Variants in SERPINB10 observed in about 807,000 individuals in gnomAD.
SERPINB10 encodes the protein serpin family B member 10, also known as serpin B10.
SERPINB10 carries 35 observed loss-of-function variants against 39.1 expected under a neutral mutation model. The ratio of observed to expected loss-of-function variants is 0.90; its 90% confidence interval spans 0.68 to 1.19. SERPINB10 has a LOEUF of 1.19. Ranked by LOEUF, SERPINB10 falls within the 50% of genes most tolerant of loss-of-function variation. The pLI is 0.00. For synonymous variants in SERPINB10, 190 were observed against 158.1 expected (o/e 1.20, Z -1.52); for missense variants, 546 against 460.5 (o/e 1.19, Z -1.70).
intron 5 of SERPINB10, among the ~76,000 whole-genome samples, chr18:63,920,711 G>A (rs2050140537): frequency 6.6e-6 from 1 of 151,914 alleles, no homozygotes; most frequent in African/African-American, 2.4e-5. Flanking sequence ...GTGCATTCTG[G>A]TTTGCCTGTG....
intron 5 of SERPINB10, among the ~76,000 whole-genome samples, chr18:63,924,348 G>A (rs1045532558): frequency 2.0e-5 from 3 of 151,908 alleles, no homozygotes; most frequent in Admixed American, 6.6e-5. Context: ...GTGACATACG[G>A]TGTCCTCACT....
chr18:63,935,154 A>T lies in SERPINB10; in HGVS notation c.1106A>T (p.Glu369Val). Residue 369 changes from glutamate (E) to valine (V), a missense_variant, in exon 8 of 8, where the codon GAA (glutamate) becomes GTA (valine). Coordinates refer to ENST00000238508, the MANE Select transcript of SERPINB10 (RefSeq NM_005024.3). ...IDIRIRVPSI[E>V]FNANHPFLFF... ...ATACGAATTAGAGTCCCATCCATTG[A>T]ATTCAATGCAAATCACCCATTCCTC... is the stretch of plus-strand genomic sequence containing the variant. 1 of 1,613,398 alleles carries T rather than the reference A, an allele frequency of 6.2e-7. No individual in the cohort carries two copies. Among genetic ancestry groups the T allele is most frequent in the Non-Finnish European group, 8.5e-7 (1 of 1,179,978 alleles).
chr18:63,917,493 A>C lies in SERPINB10; in HGVS notation c.206A>C (p.Asp69Ala), dbSNP rs754000208. ...AACAGAGACCAGGGAGTCAAATGTGACCCTGAAAGTGAAAAAAAAAGGAAA... is the reference window on the plus strand; with the variant it reads ...AACAGAGACCAGGGAGTCAAATGTGCCCCTGAAAGTGAAAAAAAAAGGAAA... ...QFNRDQGVKC[D>A]PESEKKRKME... The change falls in exon 3 of 8, where the codon GAC (aspartate) becomes GCC (alanine). Residue 69 changes from aspartate to alanine, a missense_variant. By Grantham distance (126) the Asp-to-Ala change is moderately radical. Transcript: ENST00000238508. 2 of 1,580,486 alleles carry C rather than the reference A, an allele frequency of 1.3e-6. No homozygotes were observed. The highest frequency in any genetic ancestry group is 1.4e-5 in the African/African-American group (1 of 73,052).
Position 63,918,890 on chromosome 18 carries a change from G to A in SERPINB10, c.372+788G>A, listed in dbSNP as rs184490535. Among the ~76,000 whole-genome samples, 327 of 151,926 alleles carry A rather than the reference G, an allele frequency of 2.2e-3. 2 individuals carry two copies. Among genetic ancestry groups the A allele is most frequent in the Non-Finnish European group, 3.9e-3 (264 of 67,906 alleles). ...CTCAGTGGGCACTTAGAAACAAGAG[G>A]GACACAGAGATAGAGACAAACATAT... On this transcript the variant is annotated intron_variant, in intron 4 of 7. Coordinates refer to ENST00000238508, the MANE Select transcript of SERPINB10 (RefSeq NM_005024.3).
intron 1 of SERPINB10, among the ~76,000 whole-genome samples, 187 bp downstream of exon 1, chr18:63,908,227 T>C (rs929114792): frequency 6.6e-6 from 1 of 151,960 alleles, no homozygotes; most frequent in African/African-American, 2.4e-5. Flanking sequence ...TTGAAGTTTG[T>C]ACTAGAAAAA....
At chr18:63,913,350 C>T (rs79101104) in intron 1 of SERPINB10, among the ~76,000 whole-genome samples, 3,382 of 151,714 alleles carry the variant, frequency 0.022, 143 homozygotes, top group African/African-American at 0.077. Flanking sequence ...TTCTCTAGTT[C>T]GTCTAGGTCT....
chr18:63,923,529 C>A (rs935415414), intron 5 of SERPINB10, among the ~76,000 whole-genome samples: 5 of 151,906 alleles, frequency 3.3e-5, no homozygotes, highest in African/African-American at 9.7e-5. Context: ...GCACCCTGAA[C>A]CTTCCCCAGA....
intron 5 of SERPINB10, among the ~76,000 whole-genome samples, chr18:63,922,826 T>A (rs2050155676): frequency 6.6e-6 from 1 of 151,996 alleles, no homozygotes; most frequent in Non-Finnish European, 1.5e-5. Context: ...ACAGGTGATT[T>A]GAAATGTGGC....
intron 1 of SERPINB10, among the ~76,000 whole-genome samples, chr18:63,908,908 A>T (rs568726016): frequency 6.6e-6 from 1 of 152,156 alleles, no homozygotes; most frequent in South Asian, 2.1e-4. Flanking sequence ...CTAAAATCTT[A>T]AACACAATGA....
rs1344083360 is a variant in SERPINB10, at chr18:63,919,917, C to G, written c.490+12C>G. ...AAGACAGACCGAGGGTAAGCTTTCACCAAGGGGTTTGGCAGCGTGCTTTTC... is the reference window on the plus strand; with the variant it reads ...AAGACAGACCGAGGGTAAGCTTTCAGCAAGGGGTTTGGCAGCGTGCTTTTC... On this transcript the variant is annotated intron_variant, in intron 5 of 7. Coordinates refer to ENST00000238508, the MANE Select transcript of SERPINB10 (RefSeq NM_005024.3). The G allele has an allele frequency of 3.9e-6, 6 of 1,551,982 alleles. No homozygotes were observed. Among genetic ancestry groups the G allele is most frequent in the Non-Finnish European group, 4.4e-6 (5 of 1,134,838 alleles).
chr18:63,920,036 T>C (rs968912547), intron 5 of SERPINB10, 131 bp downstream of exon 5: 63 of 491,398 alleles, frequency 1.3e-4, no homozygotes, highest in Non-Finnish European at 6.5e-5. Context: ...ATTCAGAACA[T>C]TTATTTCTAT....
At chr18:63,929,769 A>G (rs886847288) in intron 5 of SERPINB10, among the ~76,000 whole-genome samples, 111 of 150,910 alleles carry the variant, frequency 7.4e-4, no homozygotes, top group Middle Eastern at 3.4e-3. Context: ...AAATCAACTT[A>G]TATTACAGGG....
chr18:63,919,391 C>A (rs1011261418), intron 4 of SERPINB10, among the ~76,000 whole-genome samples: 3 of 151,916 alleles, frequency 2.0e-5, no homozygotes, highest in African/African-American at 4.8e-5. Context: ...ACAAGCCTCA[C>A]TTTGGTTTCA....
chr18:63,934,781 G>C (rs573145469), intron 7 of SERPINB10, 57 bp from the exon 8 acceptor site: 9 of 1,538,140 alleles, frequency 5.9e-6, no homozygotes, highest in Middle Eastern at 1.8e-4. Context: ...CTCTACTACT[G>C]TTTTTCATTC....
chr18:63,912,880 AGAATTC>A (rs2050074556), intron 1 of SERPINB10, among the ~76,000 whole-genome samples: 1 of 151,928 alleles, frequency 6.6e-6, no homozygotes, highest in Non-Finnish European at 1.5e-5. Flanking sequence ...TACATCTGGT[AGAATTC>A]AGCTGTGAAT....
intron 1 of SERPINB10, among the ~76,000 whole-genome samples, chr18:63,913,006 G>C (rs1301938383): frequency 2.0e-5 from 3 of 151,930 alleles, no homozygotes; most frequent in Non-Finnish European, 2.9e-5. Flanking sequence ...TTAATCTTGA[G>C]AGGTTGTGTG....
intron 7 of SERPINB10, 121 bp downstream of exon 7, chr18:63,933,324 C>A: frequency 8.9e-7 from 1 of 1,124,862 alleles, no homozygotes. Context: ...TATTTAATTC[C>A]TATAGAGAAA....
At chr18:63,920,792 C>T (rs1370910272) in intron 5 of SERPINB10, among the ~76,000 whole-genome samples, 1 of 151,912 alleles carries the variant, frequency 6.6e-6, no homozygotes, top group Non-Finnish European at 1.5e-5. Flanking sequence ...CCAGTCAATT[C>T]CAGTCACCAT....
intron 6 of SERPINB10, among the ~76,000 whole-genome samples, chr18:63,930,844 GT>G (rs1432302429): frequency 6.6e-6 from 1 of 152,136 alleles, no homozygotes; most frequent in Non-Finnish European, 1.5e-5. Context: ...CTAGAGACCA[GT>G]TGGAAAATCC....
Sources: gnomAD v4.1 joint callset for allele counts (sites outside exome capture counted in the v4.1 genomes callset) on GRCh38, gnomAD v4.1.1 for gene constraint, MANE v1.5 for transcripts, NCBI Gene and HGNC (gene_info 2026-07-23, HGNC 2026-07-21) for gene names.